The following MAP3K1 variants were observed in gnomAD, a reference collection of about 807,000 sequenced individuals.
The protein encoded by MAP3K1 is MAP/ERK kinase kinase 1.
Under a neutral mutation model 144.2 loss-of-function variants are expected in MAP3K1, and 36 were observed. That is an observed-to-expected ratio of 0.25 (90% confidence interval 0.19 to 0.33). The LOEUF is 0.33. MAP3K1 is among the 10% of genes least tolerant of loss of function. The probability of loss-of-function intolerance (pLI) is 1.00; values close to 1 mark genes in which losing one functional copy is unlikely to be tolerated. For missense variants in MAP3K1, 1,650 were observed against 1,881.9 expected (o/e 0.88, Z 2.28); for synonymous variants, 718 against 688.7 (o/e 1.04, Z -0.67).
chr5:56,864,772 T>A lies in MAP3K1; in HGVS notation c.873T>A (p.Pro291=). The A allele has an allele frequency of 6.2e-7, 1 of 1,614,084 alleles. No individual in the cohort carries two copies. ...SGRITPPRRA[P]SPDGFSPYSP... The stretch of plus-strand genomic sequence containing the variant: ...GAATCACACCACCCCGAAGAGCCCC[T>A]TCACCAGATGGCTTCTCACCATATA... Residue 291 remains proline (P), a synonymous_variant, in exon 4 of 20, where the codon CCT becomes CCA. Coordinates refer to ENST00000399503, the MANE Select transcript of MAP3K1 (RefSeq NM_005921.2).
intron 1 of MAP3K1, among the ~76,000 whole-genome samples, chr5:56,841,029 C>A (rs1431370226): frequency 2.6e-5 from 4 of 152,112 alleles, no homozygotes; most frequent in Non-Finnish European, 4.4e-5. Context: ...GCATGCACCA[C>A]CACGCCCAGC....
intron 3 of MAP3K1, among the ~76,000 whole-genome samples, chr5:56,860,864 GAAAAAA>G (rs1229627390): frequency 7.6e-6 from 1 of 131,766 alleles, no homozygotes; most frequent in African/African-American, 2.8e-5. Context: ...AAAAAAAAAA[GAAAAAA>G]AGAAAAGCAA....
intron 1 of MAP3K1, among the ~76,000 whole-genome samples, chr5:56,839,295 T>C (rs1746742336): frequency 6.6e-6 from 1 of 152,198 alleles, no homozygotes; most frequent in Non-Finnish European, 1.5e-5. Flanking sequence ...ATGTTGTGGC[T>C]TAATTGACTA....
At chr5:56,889,209 C>T (rs1416745762) in intron 19 of MAP3K1, among the ~76,000 whole-genome samples, 1 of 152,134 alleles carries the variant, frequency 6.6e-6, no homozygotes, top group Non-Finnish European at 1.5e-5. Context: ...CGCTGCAGTG[C>T]CCAGGCTGGA....
intron 1 of MAP3K1, among the ~76,000 whole-genome samples, chr5:56,819,399 T>C (rs1746083635): frequency 6.6e-6 from 1 of 150,796 alleles, no homozygotes; most frequent in Non-Finnish European, 1.5e-5. Flanking sequence ...GATTTCAAAA[T>C]GTGGGAAGAA....
rs546774818 is a variant in MAP3K1 at position 56,832,950 on chromosome 5, A to C, written c.482+16895A>C. Among the ~76,000 whole-genome samples, 16 of 152,260 alleles carry C rather than the reference A, an allele frequency of 1.1e-4. No homozygotes were observed. The East Asian group carries it at 3.1e-3, about 29-fold the overall frequency. On this transcript the variant is annotated intron_variant, in intron 1 of 19. Transcript: ENST00000399503. Reference sequence around the variant, plus strand: ...GCAGTGGGGCTATCTCAGCTCACTGAAACCTCCACCTCCTGGGTTCAAGTG... The same window carrying C: ...GCAGTGGGGCTATCTCAGCTCACTGCAACCTCCACCTCCTGGGTTCAAGTG...
intron 15 of MAP3K1, 144 bp downstream of exon 15, chr5:56,883,823 A>G: frequency 4.5e-6 from 4 of 893,960 alleles, no homozygotes; most frequent in South Asian, 1.4e-5. Flanking sequence ...AGATGTTTCT[A>G]AAGCACCAGA....
At chr5:56,878,391 G>A (rs1748104392) in intron 10 of MAP3K1, among the ~76,000 whole-genome samples, 1 of 152,062 alleles carries the variant, frequency 6.6e-6, no homozygotes, top group Non-Finnish European at 1.5e-5. Flanking sequence ...CATGGCATGT[G>A]TGTACCTATG....
At chr5:56,853,847 G>C (rs986447841) in intron 1 of MAP3K1, among the ~76,000 whole-genome samples, 29 of 152,284 alleles carry the variant, frequency 1.9e-4, no homozygotes, top group Admixed American at 9.1e-4. Context: ...AGACCACGAG[G>C]TGCAGGGCCA....
chr5:56,837,264 A>G (rs1183597775), intron 1 of MAP3K1, among the ~76,000 whole-genome samples: 1 of 152,086 alleles, frequency 6.6e-6, no homozygotes, highest in South Asian at 2.1e-4. Context: ...TTTTATTCCT[A>G]CTTACCACAG....
At position 56,894,925 on chromosome 5, in the gene MAP3K1, G is replaced by A. The variant is rs1174346089; in HGVS notation, c.*1245G>A. ...CACAGTTACCTAACGGTTTTAGTCT[G>A]GAGTTAAATTCAGATGCATGGAATC... On this transcript the variant is annotated 3_prime_UTR_variant, in exon 20 of 20. Transcript: ENST00000399503. 8 of 231,876 alleles carry A rather than the reference G, an allele frequency of 3.5e-5. No individual in the cohort carries two copies. In the Admixed American group the frequency reaches 4.5e-4, roughly 13 times the overall value. The allele number at this position is 231,876 out of a possible 1,614,324, so 14.4% of individuals were successfully genotyped here. A position where few individuals can be genotyped will look rare whatever the true frequency, so the allele number is the denominator to read the frequency against.
At chr5:56,854,432 C>CAAAAAAAAAAAAAA (rs10647091) in intron 1 of MAP3K1, among the ~76,000 whole-genome samples, 8 of 85,238 alleles carry the variant, frequency 9.4e-5, no homozygotes, top group Admixed American at 1.4e-4. Flanking sequence ...AACTCCATCT[C>CAAAAAAAAAAAAAA]AAAAAAAAAA....
chr5:56,848,351 A>G (rs544663435), intron 1 of MAP3K1, among the ~76,000 whole-genome samples: 2 of 152,278 alleles, frequency 1.3e-5, no homozygotes, highest in Admixed American at 6.5e-5. Context: ...GTTAAGGGCT[A>G]TGTTTGTCCA....
chr5:56,890,927 T>C (rs1178055031), intron 19 of MAP3K1, among the ~76,000 whole-genome samples: 4 of 150,970 alleles, frequency 2.6e-5, no homozygotes, highest in Non-Finnish European at 5.9e-5. Context: ...GCACCTGTGC[T>C]CCAGGGTACT....
chr5:56,883,410 G>C (rs2111950787), intron 14 of MAP3K1, 117 bp from the exon 15 acceptor site: 2 of 909,874 alleles, frequency 2.2e-6, no homozygotes, highest in East Asian at 5.2e-5. Flanking sequence ...TCCATTCAGA[G>C]GTCACATTTA....
intron 1 of MAP3K1, chr5:56,852,174 T>C (rs1747194841): frequency 6.6e-6 from 1 of 151,922 alleles, no homozygotes; most frequent in South Asian, 2.1e-4. Flanking sequence ...AGGGCCATAG[T>C]TGGTATTTAA....
At chr5:56,874,492 T>G (rs902195282) in intron 9 of MAP3K1, among the ~76,000 whole-genome samples, 2 of 152,220 alleles carry the variant, frequency 1.3e-5, no homozygotes, top group Non-Finnish European at 1.5e-5. Context: ...GTCCTACCTG[T>G]TTTGTCTAGT....
intron 1 of MAP3K1, among the ~76,000 whole-genome samples, chr5:56,839,742 T>A (rs1361651114): frequency 6.6e-6 from 1 of 152,180 alleles, no homozygotes; most frequent in Non-Finnish European, 1.5e-5. Flanking sequence ...TTCATTGTCA[T>A]GTCTGCAAGG....
Position 56,816,029 on chromosome 5 carries a change from G to T in MAP3K1, c.456G>T (p.Glu152Asp). 8.2e-7 allele frequency: 1 copy of T among 1,221,778 alleles called. No individual in the cohort carries two copies. The highest frequency in any genetic ancestry group is 1.0e-6 in the Non-Finnish European group (1 of 983,260). 75.7% of individuals were successfully genotyped at this position (1,221,778 alleles called of 1,614,324 possible). A position where few individuals can be genotyped will look rare whatever the true frequency, so the allele number is the denominator to read the frequency against. Residue 152 changes from glutamate to aspartate, a missense_variant, in exon 1 of 20, where the codon GAG becomes GAT. Physicochemically the swap from Glu to Asp is conservative, Grantham distance 45 (BLOSUM62 2). Transcript: ENST00000399503. ...EPGEKRAPAAEPSPAAAPAGR... is the reference protein window; with the variant it reads ...EPGEKRAPAADPSPAAAPAGR... ...GGGAGAAGCGGGCGCCCGCCGCCGA[G>T]CCGTCTCCTGCAGCGGCCCCCGCCG...
Sources: gnomAD v4.1 joint callset for allele counts (sites outside exome capture counted in the v4.1 genomes callset) on GRCh38, gnomAD v4.1.1 for gene constraint, MANE v1.5 for transcripts, NCBI Gene and HGNC (gene_info 2026-07-23, HGNC 2026-07-21) for gene names.